Variants in WDPCP observed in about 807,000 individuals in gnomAD.
The protein encoded by WDPCP is WD repeat containing planar cell polarity effector.
In WDPCP, 71 loss-of-function variants were observed where a neutral mutation model predicts 93.1. The ratio of observed to expected loss-of-function variants is 0.76; its 90% CI spans 0.63 to 0.93. The LOEUF is 0.93. Among genes scored for constraint, WDPCP ranks in the 40% least tolerant of loss-of-function variants. The pLI is 0.00. For missense variants in WDPCP, 844 were observed against 887.4 expected, an observed-to-expected ratio of 0.95 and a Z score of 0.62; for synonymous variants, 315 against 315.0, an observed-to-expected ratio of 1.00 and a Z score of 0.00.
intron 2 of WDPCP, among the ~76,000 whole-genome samples, chr2:63,663,129 A>C (rs112010607): frequency 6.6e-6 from 1 of 152,232 alleles, no homozygotes; most frequent in African/African-American, 2.4e-5. Flanking sequence ...TCTTTCATAA[A>C]TATAATTTCT....
At chr2:63,689,896 C>G (rs1326359507) in intron 2 of WDPCP, among the ~76,000 whole-genome samples, 1 of 152,142 alleles carries the variant, frequency 6.6e-6, no homozygotes, top group African/African-American at 2.4e-5. Context: ...GTGTACTGCA[C>G]AGAAGCAATA....
intron 3 of WDPCP, chr2:63,606,747 A>C (rs1027767318): frequency 1.7e-6 from 1 of 592,576 alleles, no homozygotes. Flanking sequence ...ATTTTTATTT[A>C]CTTTAGAATC....
intron 14 of WDPCP, among the ~76,000 whole-genome samples, chr2:63,198,575 T>G (rs1227537124): frequency 6.6e-6 from 1 of 152,168 alleles, no homozygotes; most frequent in African/African-American, 2.4e-5. Context: ...CCCTTGCTGT[T>G]CTAGTAATAG....
chr2:63,422,242 T>C (rs1392880894), intron 9 of WDPCP, among the ~76,000 whole-genome samples: 1 of 152,118 alleles, frequency 6.6e-6, no homozygotes, highest in East Asian at 1.9e-4. Context: ...GCAGAGAAGC[T>C]ACCCAAGACT....
chr2:63,243,774 C>A (rs1464657637), intron 14 of WDPCP, among the ~76,000 whole-genome samples: 1 of 152,040 alleles, frequency 6.6e-6, no homozygotes, highest in African/African-American at 2.4e-5. Flanking sequence ...ACTTCGGGGG[C>A]TTCAACAGCA....
intron 14 of WDPCP, among the ~76,000 whole-genome samples, chr2:63,183,602 G>A (rs1262527335): frequency 3.3e-5 from 5 of 151,892 alleles, no homozygotes; most frequent in East Asian, 1.9e-4. Context: ...TCTATATTCC[G>A]CTGTTGTTGG....
intron 1 of WDPCP, among the ~76,000 whole-genome samples, chr2:63,512,964 A>G (rs1020873714): frequency 1.3e-5 from 2 of 152,202 alleles, no homozygotes; most frequent in African/African-American, 2.4e-5. Flanking sequence ...AAGAATTTCC[A>G]GAATAATGAT....
intron 10 of WDPCP, among the ~76,000 whole-genome samples, chr2:63,382,658 TATCATC>T (rs924366365): frequency 5.5e-4 from 83 of 152,180 alleles, no homozygotes; most frequent in African/African-American, 1.9e-3. Flanking sequence ...TTTTTATTAC[TATCATC>T]ATCATCATCA....
chr2:63,603,561 T>C (rs1709469677), intron 3 of WDPCP, among the ~76,000 whole-genome samples: 1 of 152,140 alleles, frequency 6.6e-6, no homozygotes, highest in African/African-American at 2.4e-5. Flanking sequence ...AGGAACAAAT[T>C]ATACATATAC....
At chr2:63,321,072 T>C (rs1401288951) in intron 12 of WDPCP, among the ~76,000 whole-genome samples, 1 of 152,040 alleles carries the variant, frequency 6.6e-6, no homozygotes, top group Non-Finnish European at 1.5e-5. Context: ...CATTTCATAA[T>C]GATAAAAACA....
chr2:63,250,771 T>C (rs1360258167), intron 14 of WDPCP, among the ~76,000 whole-genome samples: 1 of 152,190 alleles, frequency 6.6e-6, no homozygotes, highest in Non-Finnish European at 1.5e-5. Context: ...AGAAATTAGT[T>C]TGTCTTAATA....
chr2:63,560,320 A>G (rs1464127000), intron 1 of WDPCP, among the ~76,000 whole-genome samples: 2 of 152,228 alleles, frequency 1.3e-5, no homozygotes, highest in East Asian at 3.8e-4. Flanking sequence ...AGCTGGAGGT[A>G]TCATGCTACC....
chr2:63,404,928 A>T (rs1257438505), intron 9 of WDPCP, among the ~76,000 whole-genome samples: 1 of 152,240 alleles, frequency 6.6e-6, no homozygotes, highest in East Asian at 1.9e-4. Context: ...TAAGATTTTA[A>T]CTTTAACAAT....
At chr2:63,329,809 C>T (rs1241417403) in intron 12 of WDPCP, among the ~76,000 whole-genome samples, 1 of 151,894 alleles carries the variant, frequency 6.6e-6, no homozygotes, top group Non-Finnish European at 1.5e-5. Context: ...ATGAGTGCAA[C>T]TTTTTTTTGA....
intron 2 of WDPCP, among the ~76,000 whole-genome samples, chr2:63,740,152 A>G (rs1669693171): frequency 6.6e-6 from 1 of 152,110 alleles, no homozygotes. Flanking sequence ...AAACATTCTC[A>G]TATATGTCTT....
intron 17 of WDPCP, among the ~76,000 whole-genome samples, chr2:63,151,977 G>A (rs1188265007): frequency 6.6e-6 from 1 of 152,148 alleles, no homozygotes; most frequent in Admixed American, 6.5e-5. Flanking sequence ...TAGCCTTTCT[G>A]TAATTGGTAT....
intron 15 of WDPCP, among the ~76,000 whole-genome samples, chr2:63,170,301 C>T (rs1234609556): frequency 6.8e-6 from 1 of 148,004 alleles, no homozygotes; most frequent in African/African-American, 2.5e-5. Flanking sequence ...GAGATGGAGT[C>T]TCACTCTGTC....
At chr2:63,124,812 CAA>C (rs1228484168) in intron 17 of WDPCP, among the ~76,000 whole-genome samples, 5 of 151,518 alleles carry the variant, frequency 3.3e-5, no homozygotes, top group Non-Finnish European at 7.4e-5. Flanking sequence ...GTGTTTTGTC[CAA>C]AGTCAGTTAG....
At chr2:63,561,995 T>C (rs942667930) in intron 1 of WDPCP, among the ~76,000 whole-genome samples, 2 of 152,198 alleles carry the variant, frequency 1.3e-5, no homozygotes, top group African/African-American at 4.8e-5. Context: ...AGAAATACCA[T>C]TTGACCTAGC....
Sources: allele counts gnomAD v4.1 joint callset (sites outside exome capture counted in the v4.1 genomes callset), GRCh38; gene constraint gnomAD v4.1.1; transcripts MANE v1.5; gene names NCBI Gene and HGNC (gene_info 2026-07-23, HGNC 2026-07-21).